VPS16: variants seen among roughly 807,000 people sequenced by gnomAD.
VPS16 encodes the protein VPS16 core subunit of CORVET and HOPS complexes, also known as vacuolar protein sorting-associated protein 16 homolog.
Under a neutral mutation model 116.0 loss-of-function variants are expected in VPS16, and 82 were observed. The observed-to-expected ratio is 0.71, with a 90% CI of 0.59 to 0.85. The LOEUF is 0.85. VPS16 is among the 40% of genes least tolerant of loss of function. The probability of loss-of-function intolerance (pLI) is 0.00; values close to 1 mark genes in which losing one functional copy is unlikely to be tolerated. For synonymous variants in VPS16, 406 were observed against 420.7 expected (o/e 0.96, Z 0.43); for missense variants, 928 against 1,090.6 (o/e 0.85, Z 2.10).
intron 8 of VPS16, 110 bp downstream of exon 8, chr20:2,861,390 G>C: frequency 6.5e-7 from 1 of 1,539,268 alleles, no homozygotes. Context: ...GTGGAGTTTG[G>C]ATCTTACCTT....
intron 9 of VPS16, 47 bp from the exon 10 acceptor site, chr20:2,861,758 G>T (rs753101924): frequency 1.2e-6 from 2 of 1,610,926 alleles, no homozygotes; most frequent in Non-Finnish European, 1.7e-6. Context: ...GGGTTCACCT[G>T]CCCCGTCCCA....
In VPS16 at chr20:2,847,053, T is replaced by C. The variant is rs756412376; in HGVS notation, c.53+6226T>C. The stretch of plus-strand genomic sequence containing the variant: ...TTTTCTGAGAAGCTGCTCTTCACTC[T>C]GCCCATCCATACCCTGTGCTACCCT... On this transcript the variant is annotated intron_variant, in intron 1 of 23. Coordinates refer to ENST00000380445, the MANE Select transcript of VPS16 (RefSeq NM_022575.4). Among the ~76,000 whole-genome samples the C allele has an allele frequency of 4.4e-4, 67 of 152,326 alleles. 1 individual carries two copies. The highest frequency in any genetic ancestry group is 7.9e-4 in the Non-Finnish European group (54 of 68,026).
chr20:2,861,246 T>A lies in VPS16; in HGVS notation c.775T>A (p.Cys259Ser), dbSNP rs941830906. 10 of 1,614,068 alleles carry A rather than the reference T, an allele frequency of 6.2e-6. No individual in the cohort carries two copies. Among genetic ancestry groups the A allele is most frequent in the Non-Finnish European group, 8.5e-6 (10 of 1,180,038 alleles). Residue 259 changes from cysteine (C) to serine (S), a missense_variant, in exon 8 of 24, where the codon TGC (cysteine) becomes AGC (serine). Transcript: ENST00000380445. ...TCAGGAGAAGCTATGTGAGTTCAACTGCAACATCCGGGCACCTCCAAAGCA... is the reference window on the plus strand; with the variant it reads ...TCAGGAGAAGCTATGTGAGTTCAACAGCAACATCCGGGCACCTCCAAAGCA... ...SLKEKLCEFNCNIRAPPKQMV... is the reference protein window; with the variant it reads ...SLKEKLCEFNSNIRAPPKQMV...
At chr20:2,849,557 C>A (rs1016640275) in intron 1 of VPS16, among the ~76,000 whole-genome samples, 1 of 152,162 alleles carries the variant, frequency 6.6e-6, no homozygotes, top group Non-Finnish European at 1.5e-5. Context: ...CCTCTGCCTC[C>A]CAAAACGCTG....
chr20:2,854,474 G>GA (rs1310724186), intron 1 of VPS16, among the ~76,000 whole-genome samples: 18 of 150,920 alleles, frequency 1.2e-4, no homozygotes, highest in Admixed American at 7.3e-4. Flanking sequence ...GAGAGAGAAA[G>GA]AAAAAAATGT....
intron 1 of VPS16, among the ~76,000 whole-genome samples, chr20:2,853,934 A>C (rs2089146564): frequency 6.6e-6 from 1 of 151,938 alleles, no homozygotes; most frequent in Non-Finnish European, 1.5e-5. Context: ...CAGCCTCCCA[A>C]AATGCAGGGA....
At chr20:2,855,576 G>A (rs1383021604) in intron 1 of VPS16, among the ~76,000 whole-genome samples, 1 of 152,184 alleles carries the variant, frequency 6.6e-6, no homozygotes, top group African/African-American at 2.4e-5. Flanking sequence ...GGTCTAGATG[G>A]CATCTTCTTC....
intron 1 of VPS16, among the ~76,000 whole-genome samples, chr20:2,855,599 GT>G (rs1395935449): frequency 6.6e-6 from 1 of 152,192 alleles, no homozygotes; most frequent in African/African-American, 2.4e-5. Context: ...ATATAAGACT[GT>G]TTTGTCTACA....
chr20:2,853,225 T>C (rs921791531), intron 1 of VPS16, among the ~76,000 whole-genome samples: 1 of 152,064 alleles, frequency 6.6e-6, no homozygotes, highest in African/African-American at 2.4e-5. Flanking sequence ...ACCGTGTCTC[T>C]ACTAAAAATA....
chr20:2,860,028 A>G lies in VPS16; in HGVS notation c.143-26A>G. 3.7e-6 allele frequency: 6 copies of G among 1,613,338 alleles called. No homozygotes were observed. Among genetic ancestry groups the G allele is most frequent in the Non-Finnish European group, 4.2e-6 (5 of 1,179,636 alleles). On this transcript the variant is annotated intron_variant, in intron 2 of 23. Transcript: ENST00000380445. This position sits in a 1 kb window ranked among gnomAD's most constrained non-coding sequence, Gnocchi z 6.1. The stretch of plus-strand genomic sequence containing the variant: ...CATGGGGTGGGCCTAGGGAGCTAGG[A>G]CAGAAGGTCTCTTCTCAAACTGCAG...
chr20:2,865,769 G>A lies in VPS16; in HGVS notation c.2271+274G>A. ...CCACAGGGGGCACTATGTGCTAGAG[G>A]GAAAGTCTTGTCTGAGGAGGGTGGA... On this transcript the variant is annotated intron_variant, in intron 22 of 23. Transcript: ENST00000380445. This position sits in a 1 kb window ranked among gnomAD's most constrained non-coding sequence, Gnocchi z 5.2. The A allele has an allele frequency of 1.9e-6, 1 of 516,166 alleles. No homozygotes were observed. Among genetic ancestry groups the A allele is most frequent in the Non-Finnish European group, 3.5e-6 (1 of 287,480 alleles). 32.0% of individuals were successfully genotyped at this position (516,166 alleles called of 1,614,324 possible). A position where few individuals can be genotyped will look rare whatever the true frequency, so the allele number is the denominator to read the frequency against.
In VPS16 at chr20:2,862,929, T is replaced by A. The variant is rs1201263646; in HGVS notation, c.1326T>A (p.Tyr442Ter). 4 of 1,613,892 alleles carry A rather than the reference T, an allele frequency of 2.5e-6. No individual in the cohort carries two copies. Among genetic ancestry groups the A allele is most frequent in the Non-Finnish European group, 2.5e-6 (3 of 1,179,948 alleles). ...RDYHIGIPLT[Y>*]SQYKQLTIQV... is the part of the protein sequence containing the mutation. ...ATCACATCGGGATCCCGCTCACCTA[T>A]AGCCAGTATCCCTGTGCACGCCAGA... Residue 442 changes from tyrosine (Y) to a stop codon, truncating the protein, a stop_gained, in exon 13 of 24, where the codon TAT becomes TAA. Coordinates refer to ENST00000380445, the MANE Select transcript of VPS16 (RefSeq NM_022575.4). LOFTEE classifies it high-confidence loss of function.
At chr20:2,850,494 T>C (rs1352307950) in intron 1 of VPS16, among the ~76,000 whole-genome samples, 3 of 151,182 alleles carry the variant, frequency 2.0e-5, no homozygotes, top group African/African-American at 2.4e-5. Flanking sequence ...GGTGTGGTGG[T>C]GTGCACCTGT....
At chr20:2,862,272 T>A in intron 11 of VPS16, 142 bp downstream of exon 11, 1 of 1,095,090 alleles carries the variant, frequency 9.1e-7, no homozygotes, top group Non-Finnish European at 1.3e-6. Context: ...CTGGCTCATG[T>A]AAACTGAAGA....
chr20:2,854,795 CAA>C (rs200987248), intron 1 of VPS16, among the ~76,000 whole-genome samples: 5 of 130,910 alleles, frequency 3.8e-5, no homozygotes, highest in Non-Finnish European at 3.3e-5. Context: ...GACTCCATCT[CAA>C]AAAAAAAAAA....
chr20:2,856,573 A>G (rs1335196314), intron 1 of VPS16, among the ~76,000 whole-genome samples: 1 of 152,178 alleles, frequency 6.6e-6, no homozygotes, highest in African/African-American at 2.4e-5. Flanking sequence ...GCAGGTGTCT[A>G]CCCCATCTAC....
chr20:2,862,035 C>G lies in VPS16; in HGVS notation c.995-19C>G. The G allele has an allele frequency of 6.2e-7, 1 of 1,613,140 alleles. No homozygotes were observed. Among genetic ancestry groups the G allele is most frequent in the Non-Finnish European group, 8.5e-7 (1 of 1,179,614 alleles). On this transcript the variant is annotated intron_variant, in intron 10 of 23. Transcript: ENST00000380445. ...GGTTTCCCTGCCTTTCTCCCTCACT[C>G]ACCAACTCCCTTCCCCAGCGGCCAG...
At chr20:2,840,864 A>G in intron 1 of VPS16, 37 bp downstream of exon 1, 1 of 1,251,312 alleles carries the variant, frequency 8.0e-7, no homozygotes, top group Non-Finnish European at 1.1e-6. Flanking sequence ...GGCCTGGCTT[A>G]CCCTGCTCGC....
intron 1 of VPS16, among the ~76,000 whole-genome samples, chr20:2,859,109 G>A (rs2089201411): frequency 6.6e-6 from 1 of 152,088 alleles, no homozygotes; most frequent in Admixed American, 6.6e-5. Flanking sequence ...ACCAGCCTGG[G>A]CAACATGGGG....
Sources: allele counts gnomAD v4.1 joint callset (sites outside exome capture counted in the v4.1 genomes callset), GRCh38; gene constraint gnomAD v4.1.1; non-coding constraint Gnocchi (gnomAD v3.1); transcripts MANE v1.5; gene names NCBI Gene and HGNC (gene_info 2026-07-23, HGNC 2026-07-21).